Variants in SH3BGRL observed in about 807,000 individuals in gnomAD.
The protein encoded by SH3BGRL is SH3 domain binding glutamate rich protein like.
SH3BGRL carries 7 observed loss-of-function variants against 9.8 expected under a neutral mutation model. The ratio of observed to expected loss-of-function variants is 0.72; its 90% CI spans 0.41 to 1.35. The LOEUF is 1.35. Among genes scored for constraint, SH3BGRL ranks in the 40% most tolerant of loss-of-function variants. The pLI is 0.01. For missense variants in SH3BGRL, 73 were observed against 84.4 expected (o/e 0.86, Z 0.53); for synonymous variants, 36 against 29.1 (o/e 1.24, Z -0.76).
At chrX:81,266,799 T>G (rs2075758555) in intron 1 of SH3BGRL, among the ~76,000 whole-genome samples, 1 of 112,433 alleles carries the variant, frequency 8.9e-6, no homozygotes, top group African/African-American at 3.2e-5. Flanking sequence ...CTTTTGGCAG[T>G]GAGGCCATTT....
chrX:81,247,174 G>A (rs1302391317), intron 1 of SH3BGRL, among the ~76,000 whole-genome samples: 1 of 112,118 alleles, frequency 8.9e-6, no homozygotes, highest in African/African-American at 3.2e-5. Context: ...TTAGAAATTT[G>A]TACTGAAATA....
At chrX:81,209,029 A>G (rs1442786680) in intron 1 of SH3BGRL, among the ~76,000 whole-genome samples, 1 of 83,083 alleles carries the variant, frequency 1.2e-5, no homozygotes, top group Non-Finnish European at 2.2e-5. Flanking sequence ...TTTTTTTAAG[A>G]CGGAGTCTCA....
At chrX:81,278,039 T>G (rs1442374830) in intron 2 of SH3BGRL, among the ~76,000 whole-genome samples, 1 of 111,779 alleles carries the variant, frequency 8.9e-6, no homozygotes, top group Non-Finnish European at 1.9e-5. Context: ...CTTGGCTCAC[T>G]GCAACCTCCG....
At chrX:81,250,072 T>C (rs2075704343) in intron 1 of SH3BGRL, among the ~76,000 whole-genome samples, 1 of 109,669 alleles carries the variant, frequency 9.1e-6, no homozygotes, top group African/African-American at 3.3e-5. Flanking sequence ...GTCTCCATGT[T>C]CTGGAGTTAT....
intron 3 of SH3BGRL, among the ~76,000 whole-genome samples, chrX:81,294,600 G>A (rs926075340): frequency 2.7e-5 from 3 of 110,946 alleles, no homozygotes; most frequent in African/African-American, 9.8e-5. Context: ...CCTCTGCTAG[G>A]GCAGTGCAGA....
At chrX:81,282,005 G>T (rs2075818942) in intron 3 of SH3BGRL, among the ~76,000 whole-genome samples, 1 of 111,733 alleles carries the variant, frequency 8.9e-6, no homozygotes, top group African/African-American at 3.3e-5. Context: ...CATGCATATG[G>T]ACACCAAATG....
chrX:81,232,003 T>C (rs1163237025), intron 1 of SH3BGRL, among the ~76,000 whole-genome samples: 1 of 110,204 alleles, frequency 9.1e-6, no homozygotes, highest in African/African-American at 3.3e-5. Flanking sequence ...TTTGTACAGG[T>C]GTGTGTGTCT....
At chrX:81,234,160 T>C (rs1266188581) in intron 1 of SH3BGRL, among the ~76,000 whole-genome samples, 1 of 111,924 alleles carries the variant, frequency 8.9e-6, no homozygotes, top group Non-Finnish European at 1.9e-5. Context: ...CATAGTCTCT[T>C]TATTGGCCCT....
At chrX:81,284,312 A>C (rs1253499009) in intron 3 of SH3BGRL, among the ~76,000 whole-genome samples, 1 of 110,785 alleles carries the variant, frequency 9.0e-6, no homozygotes, top group African/African-American at 3.3e-5. Context: ...AAAATCCTAA[A>C]ATTCATATGA....
intron 1 of SH3BGRL, among the ~76,000 whole-genome samples, chrX:81,239,629 A>G (rs2075661505): frequency 8.9e-6 from 1 of 112,263 alleles, no homozygotes; most frequent in Non-Finnish European, 1.9e-5. Context: ...ATGACAGAGA[A>G]ACTTCCAAAA....
chrX:81,244,815 C>T (rs779450924), intron 1 of SH3BGRL, among the ~76,000 whole-genome samples: 3 of 110,844 alleles, frequency 2.7e-5, no homozygotes, highest in African/African-American at 9.9e-5. Flanking sequence ...GCTACAGGCC[C>T]CGGTGTGGTG....
chrX:81,297,174 T>C lies in SH3BGRL; in HGVS notation c.313-21T>C, dbSNP rs188792664. On this transcript the variant is annotated intron_variant, in intron 3 of 3. Transcript: ENST00000373212. ...CTCTGTGATGTTTAAACTTATCTGT[T>C]TTGTTTGTTTTTCATTTCAGGAAGC... The C allele has an allele frequency of 1.2e-5, 14 of 1,198,602 alleles. No homozygotes were observed. The East Asian group carries it at 3.9e-4, about 33-fold the overall frequency.
chrX:81,212,485 T>TA (rs1199324256), intron 1 of SH3BGRL, among the ~76,000 whole-genome samples: 1 of 111,590 alleles, frequency 9.0e-6, no homozygotes. Flanking sequence ...GAAAGGCAAG[T>TA]AAAAAATATT....
At chrX:81,297,032 G>A (rs371703269) in intron 3 of SH3BGRL, among the ~76,000 whole-genome samples, 163 bp from the exon 4 acceptor site, 41 of 111,935 alleles carry the variant, frequency 3.7e-4, no homozygotes, top group African/African-American at 1.3e-3. Flanking sequence ...CTAGAAATCT[G>A]TTTGTATTAT....
chrX:81,283,883 CTGTT>C (rs1330620639), intron 3 of SH3BGRL, among the ~76,000 whole-genome samples: 1 of 111,222 alleles, frequency 9.0e-6, no homozygotes, highest in Admixed American at 9.5e-5. Context: ...CAATTGGTCA[CTGTT>C]TGCTGATGAT....
At chrX:81,245,712 A>G (rs1467056650) in intron 1 of SH3BGRL, among the ~76,000 whole-genome samples, 1 of 111,847 alleles carries the variant, frequency 8.9e-6, no homozygotes, top group African/African-American at 3.3e-5. Flanking sequence ...TTACCATTTT[A>G]TGGTGTCCAG....
At chrX:81,250,958 A>G (rs997584573) in intron 1 of SH3BGRL, among the ~76,000 whole-genome samples, 1 of 111,860 alleles carries the variant, frequency 8.9e-6, no homozygotes, top group Non-Finnish European at 1.9e-5. Context: ...TTAAAAAAAT[A>G]CTGCTTTAAG....
chrX:81,288,104 A>T (rs758906170), intron 3 of SH3BGRL, among the ~76,000 whole-genome samples: 2 of 111,512 alleles, frequency 1.8e-5, no homozygotes, highest in Admixed American at 9.5e-5. Flanking sequence ...CCAAGTGAGA[A>T]TTTTTTCTGG....
At chrX:81,278,251 C>T (rs1437777158) in intron 2 of SH3BGRL, 80 bp from the exon 3 acceptor site, 2 of 727,953 alleles carry the variant, frequency 2.7e-6, no homozygotes, top group East Asian at 3.6e-5. Flanking sequence ...GCGTGAGCCA[C>T]TGCTTTCGGC....
Sources: allele counts gnomAD v4.1 joint callset (sites outside exome capture counted in the v4.1 genomes callset), GRCh38; gene constraint gnomAD v4.1.1; transcripts MANE v1.5; gene names NCBI Gene and HGNC (gene_info 2026-07-23, HGNC 2026-07-21).